NEO1: variants seen among roughly 807,000 people sequenced by gnomAD.
NEO1 encodes the protein neogenin 1.
Under a neutral mutation model 159.7 loss-of-function variants are expected in NEO1, and 63 were observed. The ratio of observed to expected loss-of-function variants is 0.39; its 90% CI spans 0.32 to 0.49. The LOEUF is 0.49. Among genes scored for constraint, NEO1 ranks in the 20% least tolerant of loss-of-function variants. NEO1 has a pLI of 0.85. For missense variants in NEO1, 1,615 were observed against 1,831.0 expected (o/e 0.88, Z 2.15); for synonymous variants, 633 against 662.0 (o/e 0.96, Z 0.67).
chr15:73,066,746 C>G (rs2068240720), intron 1 of NEO1, among the ~76,000 whole-genome samples: 1 of 152,190 alleles, frequency 6.6e-6, no homozygotes, highest in Non-Finnish European at 1.5e-5. Flanking sequence ...TACCCTCCCT[C>G]TTGGCAGGCC....
chr15:73,229,233 C>T (rs1827284193), intron 7 of NEO1, among the ~76,000 whole-genome samples: 1 of 152,022 alleles, frequency 6.6e-6, no homozygotes, highest in African/African-American at 2.4e-5. Context: ...CAGTCTTACA[C>T]TTCTTTTAGG....
chr15:73,116,647 C>A lies in NEO1; in HGVS notation c.238C>A (p.Pro80Thr), dbSNP rs1241724082. The stretch of plus-strand genomic sequence containing the variant: ...ATTAAACTGTTCAGCATATTCTGAG[C>A]CTTCTCCAAAAATTGAATGGAAAAA... The part of the protein sequence containing the change: ...VILNCSAYSE[P>T]SPKIEWKKDG... Residue 80 changes from proline to threonine, a missense_variant, in exon 2 of 29, where the codon CCT (proline) becomes ACT (threonine). Transcript: ENST00000261908. The A allele has an allele frequency of 1.2e-6, 2 of 1,613,842 alleles. No homozygotes were observed. The highest frequency in any genetic ancestry group is 1.7e-6 in the Non-Finnish European group (2 of 1,179,898).
intron 22 of NEO1, among the ~76,000 whole-genome samples, chr15:73,280,946 C>T (rs1160030118): frequency 6.6e-6 from 1 of 151,910 alleles, no homozygotes; most frequent in African/African-American, 2.4e-5. Flanking sequence ...TGGCTCATGC[C>T]TGTAATCCCA....
At chr15:73,267,188 G>T (rs2040945732) in intron 16 of NEO1, among the ~76,000 whole-genome samples, 1 of 152,204 alleles carries the variant, frequency 6.6e-6, no homozygotes, top group South Asian at 2.1e-4. Context: ...AACTCAGGAA[G>T]CAGAGCTTGC....
intron 26 of NEO1, among the ~76,000 whole-genome samples, chr15:73,295,147 A>ATATATATATATAT (rs1238740275): frequency 0.012 from 1,166 of 100,422 alleles, 24 homozygotes; most frequent in African/African-American, 0.024. Flanking sequence ...TATATATGTA[A>ATATATATATATAT]AAATTTGGCC....
intron 1 of NEO1, among the ~76,000 whole-genome samples, chr15:73,063,216 G>A (rs1219380353): frequency 6.6e-6 from 1 of 152,108 alleles, no homozygotes; most frequent in Non-Finnish European, 1.5e-5. Context: ...ATGGCCCTGG[G>A]TTAGAACAGT....
intron 5 of NEO1, among the ~76,000 whole-genome samples, chr15:73,139,447 A>T (rs2032165441): frequency 6.6e-6 from 1 of 152,306 alleles, no homozygotes; most frequent in Admixed American, 6.5e-5. Context: ...GAAAATGATA[A>T]CAAGAGCAAA....
At chr15:73,281,267 T>TTC (rs1555466848) in intron 22 of NEO1, among the ~76,000 whole-genome samples, 1 of 142,540 alleles carries the variant, frequency 7.0e-6, no homozygotes, top group Non-Finnish European at 1.5e-5. Flanking sequence ...GGAGATTTTT[T>TTC]CCCCCCTAGA....
intron 22 of NEO1, among the ~76,000 whole-genome samples, chr15:73,279,497 T>A (rs1161255145): frequency 6.6e-6 from 1 of 151,922 alleles, no homozygotes; most frequent in East Asian, 1.9e-4. Context: ...TACAAGCGCC[T>A]GCCACCACGC....
chr15:73,220,998 C>T (rs1005738682), intron 7 of NEO1, among the ~76,000 whole-genome samples: 12 of 152,156 alleles, frequency 7.9e-5, no homozygotes, highest in South Asian at 2.1e-4. Context: ...GGAGGAGAGG[C>T]GCTCTGCTTT....
At chr15:73,092,295 T>C (rs1021920545) in intron 1 of NEO1, among the ~76,000 whole-genome samples, 2 of 152,196 alleles carry the variant, frequency 1.3e-5, no homozygotes, top group African/African-American at 4.8e-5. Flanking sequence ...TGTCAGCTGC[T>C]GTAGTTGATT....
At chr15:73,205,135 A>G (rs2037138592) in intron 7 of NEO1, among the ~76,000 whole-genome samples, 2 of 152,186 alleles carry the variant, frequency 1.3e-5, no homozygotes, top group African/African-American at 4.8e-5. Flanking sequence ...AGGACATGCT[A>G]TGATCTTTGA....
intron 9 of NEO1, among the ~76,000 whole-genome samples, chr15:73,248,289 A>G (rs1452816572): frequency 6.6e-6 from 1 of 152,166 alleles, no homozygotes; most frequent in Non-Finnish European, 1.5e-5. Flanking sequence ...TGATCATATC[A>G]TGCTCCTGCT....
At chr15:73,230,081 C>T (rs2038817371) in intron 7 of NEO1, among the ~76,000 whole-genome samples, 1 of 152,060 alleles carries the variant, frequency 6.6e-6, no homozygotes, top group Non-Finnish European at 1.5e-5. Context: ...GGACATGTTT[C>T]TCCTTCTCTA....
intron 1 of NEO1, among the ~76,000 whole-genome samples, chr15:73,073,049 C>T (rs2068611806): frequency 6.6e-6 from 1 of 152,012 alleles, no homozygotes; most frequent in Non-Finnish European, 1.5e-5. Flanking sequence ...TTGTGATATC[C>T]AGGGGCAGCA....
chr15:73,266,329 C>T lies in NEO1; in HGVS notation c.2412C>T (p.His804=). 1 of 1,610,694 alleles carries T rather than the reference C, an allele frequency of 6.2e-7. No individual in the cohort carries two copies. The highest frequency in any genetic ancestry group is 8.5e-7 in the Non-Finnish European group (1 of 1,178,264). Reference sequence around the variant, plus strand: ...CTTTTTTTTCAGATCCCAGCTCTCACTATGTGATTACCCTGAAAGCATTTA... The same window carrying T: ...CTTTTTTTTCAGATCCCAGCTCTCATTATGTGATTACCCTGAAAGCATTTA... ...YTIENLDPSS[H]YVITLKAFNN... The change falls in exon 16 of 29, where the codon CAC becomes CAT. Residue 804 remains histidine, a synonymous_variant. Coordinates refer to ENST00000261908, the MANE Select transcript of NEO1 (RefSeq NM_002499.4).
At chr15:73,128,272 G>A (rs1442819640) in intron 4 of NEO1, among the ~76,000 whole-genome samples, 4 of 150,748 alleles carry the variant, frequency 2.7e-5, no homozygotes, top group Non-Finnish European at 5.9e-5. Flanking sequence ...TGAAACATAG[G>A]GAACCTTAAA....
At chr15:73,273,329 C>A (rs1293451955) in intron 19 of NEO1, among the ~76,000 whole-genome samples, 1 of 152,198 alleles carries the variant, frequency 6.6e-6, no homozygotes, top group Non-Finnish European at 1.5e-5. Flanking sequence ...CACTGTCCTG[C>A]TTCTTGCTTT....
chr15:73,137,586 T>A (rs969185484), intron 5 of NEO1, among the ~76,000 whole-genome samples: 2 of 152,162 alleles, frequency 1.3e-5, no homozygotes, highest in Non-Finnish European at 2.9e-5. Flanking sequence ...AGCCTCGACC[T>A]CCTGGGTTCA....
Sources: allele counts gnomAD v4.1 joint callset (sites outside exome capture counted in the v4.1 genomes callset), GRCh38; gene constraint gnomAD v4.1.1; transcripts MANE v1.5; gene names NCBI Gene and HGNC (gene_info 2026-07-23, HGNC 2026-07-21).